TSPAN5: variants seen among roughly 807,000 people sequenced by gnomAD.
TSPAN5 encodes tetraspanin-5.
In TSPAN5, 10 loss-of-function variants were observed where a neutral mutation model predicts 37.1. The observed-to-expected ratio is 0.27, with a 90% CI of 0.17 to 0.46. The LOEUF is 0.46. Among genes scored for constraint, TSPAN5 ranks in the 20% least tolerant of loss-of-function variants. The probability of loss-of-function intolerance (pLI) is 1.00; values close to 1 mark genes in which losing one functional copy is unlikely to be tolerated. For synonymous variants in TSPAN5, 110 were observed against 118.9 expected, an observed-to-expected ratio of 0.93 and a Z score of 0.48; for missense variants, 195 against 326.6, an observed-to-expected ratio of 0.60 and a Z score of 3.11.
intron 2 of TSPAN5, among the ~76,000 whole-genome samples, chr4:98,500,772 G>C (rs979053122): frequency 1.3e-5 from 2 of 152,042 alleles, no homozygotes; most frequent in Non-Finnish European, 2.9e-5. Flanking sequence ...ACAGCTTCTG[G>C]GCATCCATTG....
intron 3 of TSPAN5, chr4:98,484,774 C>A: frequency 3.1e-6 from 1 of 322,186 alleles, no homozygotes; most frequent in Non-Finnish European, 6.1e-6. Flanking sequence ...CCAGCCTGGC[C>A]AACATGGTGA....
rs764758183 is a variant in TSPAN5, at chr4:98,533,920, C to G, written c.82-26192G>C. Among the ~76,000 whole-genome samples the G allele has an allele frequency of 1.0e-3, 76 of 74,148 alleles. 1 individual carries two copies. The highest frequency in any genetic ancestry group is 1.8e-3 in the Non-Finnish European group (75 of 41,770). The allele number at this position is 74,148 out of a possible 152,430, so 48.6% of individuals were successfully genotyped here. Reference sequence around the variant, plus strand: ...CTTCTTTATTAGTCTGGCTAGTGGTCTATCCATTTTGTTGATCTTAAAAAA... The same window carrying G: ...CTTCTTTATTAGTCTGGCTAGTGGTGTATCCATTTTGTTGATCTTAAAAAA... On this transcript the variant is annotated intron_variant, in intron 1 of 7. Coordinates refer to ENST00000305798, the MANE Select transcript of TSPAN5 (RefSeq NM_005723.4).
At chr4:98,545,667 C>T (rs997766245) in intron 1 of TSPAN5, among the ~76,000 whole-genome samples, 1 of 152,046 alleles carries the variant, frequency 6.6e-6, no homozygotes, top group African/African-American at 2.4e-5. Context: ...GTAGCTGTGA[C>T]TACTGGCGTG....
At chr4:98,478,405 A>C (rs1401443102) in intron 5 of TSPAN5, among the ~76,000 whole-genome samples, 1 of 152,254 alleles carries the variant, frequency 6.6e-6, no homozygotes, top group Non-Finnish European at 1.5e-5. Context: ...TTCCCCTGAA[A>C]AGGGAGGGTA....
intron 2 of TSPAN5, among the ~76,000 whole-genome samples, chr4:98,501,345 G>A (rs1753343722): frequency 6.6e-6 from 1 of 152,296 alleles, no homozygotes; most frequent in Admixed American, 6.5e-5. Flanking sequence ...CCATGACATA[G>A]CCAGTGTTTT....
chr4:98,631,935 C>T (rs552595839), intron 1 of TSPAN5, among the ~76,000 whole-genome samples: 40 of 152,268 alleles, frequency 2.6e-4, no homozygotes, highest in Admixed American at 2.0e-3. Context: ...CCCCTGGCAC[C>T]GTGCACACTA....
In TSPAN5 at chr4:98,658,148, A is replaced by C. The variant is rs1473058856; in HGVS notation, c.79T>G (p.Trp27Gly). ...ATCCCAGGAGCGCTCCAACTTACCC[A>C]AAATATGACATTGAAGCCAAATATG... Reference protein sequence around the residue: ...YFIFGFNVIFWFLGITFLGIG... With the variant: ...YFIFGFNVIFGFLGITFLGIG... The change falls in exon 1 of 8, where the codon TGG becomes GGG. Residue 27 changes from tryptophan to glycine, a missense_variant and splice_region_variant. Transcript: ENST00000305798. 6.2e-7 allele frequency: 1 copy of C among 1,613,426 alleles called. No homozygotes were observed. Among genetic ancestry groups the C allele is most frequent in the African/African-American group, 1.3e-5 (1 of 74,910 alleles).
intron 1 of TSPAN5, among the ~76,000 whole-genome samples, chr4:98,621,638 G>A (rs1391026766): frequency 6.6e-6 from 1 of 152,078 alleles, no homozygotes; most frequent in Non-Finnish European, 1.5e-5. Flanking sequence ...AAAGTGCTAG[G>A]ATAACAGGCG....
At chr4:98,500,518 G>C (rs567426014) in intron 2 of TSPAN5, among the ~76,000 whole-genome samples, 121 of 152,278 alleles carry the variant, frequency 7.9e-4, no homozygotes, top group African/African-American at 2.8e-3. Flanking sequence ...GAGTGCAATG[G>C]AGGATGACAG....
At chr4:98,542,573 G>T (rs919983911) in intron 1 of TSPAN5, among the ~76,000 whole-genome samples, 15 of 152,048 alleles carry the variant, frequency 9.9e-5, no homozygotes, top group Admixed American at 2.6e-4. Flanking sequence ...TTAAAAATTC[G>T]CCAGGCACAG....
intron 1 of TSPAN5, among the ~76,000 whole-genome samples, chr4:98,621,500 TG>T (rs975108987): frequency 7.9e-5 from 12 of 151,746 alleles, no homozygotes; most frequent in African/African-American, 2.7e-4. Flanking sequence ...CCCGAGTAGC[TG>T]GGACTACAGG....
At position 98,499,795 on chromosome 4, in the gene TSPAN5, G is replaced by A. The variant is rs555577037; in HGVS notation, c.132+7883C>T. ...CCTGCCTCAGCCTCCCAAGTAGCTG[G>A]GACTACAGGCGCCTGCCACCATGCC... On this transcript the variant is annotated intron_variant, in intron 2 of 7. Coordinates refer to ENST00000305798, the MANE Select transcript of TSPAN5 (RefSeq NM_005723.4). 4.1e-4 allele frequency among the ~76,000 whole-genome samples: 62 copies of A among 151,722 alleles called. 1 individual carries two copies. Among genetic ancestry groups the A allele is most frequent in the Admixed American group, 1.6e-3 (24 of 15,238 alleles).
At chr4:98,553,799 GCTCA>G (rs1754673767) in intron 1 of TSPAN5, among the ~76,000 whole-genome samples, 1 of 152,182 alleles carries the variant, frequency 6.6e-6, no homozygotes, top group Non-Finnish European at 1.5e-5. Flanking sequence ...GGGCACGGTG[GCTCA>G]CGCCTGTAAT....
Position 98,482,062 on chromosome 4 carries a change from G to C in TSPAN5, c.393C>G (p.Ile131Met). The C allele has an allele frequency of 1.9e-6, 3 of 1,614,138 alleles. No individual in the cohort carries two copies. The highest frequency in any genetic ancestry group is 2.5e-6 in the Non-Finnish European group (3 of 1,180,004). ...AATCAATGTCATCCCGATATGCTCT[G>C]ATGTTGTTGTTTATAAAGAAATACA... is the stretch of plus-strand genomic sequence containing the variant. ...DQLYFFINNN[I>M]RAYRDDIDLQ... The change falls in exon 4 of 8, where the codon ATC (isoleucine) becomes ATG (methionine). Residue 131 changes from isoleucine (I) to methionine (M), a missense_variant. By Grantham distance (10) the Ile-to-Met change is conservative. Transcript: ENST00000305798.
intron 1 of TSPAN5, among the ~76,000 whole-genome samples, chr4:98,544,936 T>C (rs891850728): frequency 6.6e-6 from 1 of 152,212 alleles, no homozygotes; most frequent in East Asian, 1.9e-4. Context: ...GATGGGCATC[T>C]GCTGAGATGC....
chr4:98,487,784 A>T (rs1479358565), intron 2 of TSPAN5, among the ~76,000 whole-genome samples: 1 of 152,196 alleles, frequency 6.6e-6, no homozygotes, highest in East Asian at 1.9e-4. Context: ...TTCCACAAGA[A>T]CACCAAACGG....
intron 1 of TSPAN5, among the ~76,000 whole-genome samples, chr4:98,643,089 C>T (rs952507526): frequency 6.6e-6 from 1 of 152,226 alleles, no homozygotes; most frequent in Admixed American, 6.5e-5. Context: ...TCACCCAGAG[C>T]AACTTCCAGT....
chr4:98,545,484 A>ATGAAC, intron 1 of TSPAN5, among the ~76,000 whole-genome samples: 1 of 151,998 alleles, frequency 6.6e-6, no homozygotes. Context: ...ATTTAACCAC[A>ATGAAC]CTGCTTACTG....
chr4:98,627,944 T>A (rs560160484), intron 1 of TSPAN5, among the ~76,000 whole-genome samples: 4 of 152,232 alleles, frequency 2.6e-5, no homozygotes, highest in Non-Finnish European at 5.9e-5. Context: ...AACTGGAAGT[T>A]ACAGGCAACA....
Sources: allele counts gnomAD v4.1 joint callset (sites outside exome capture counted in the v4.1 genomes callset), GRCh38; gene constraint gnomAD v4.1.1; transcripts MANE v1.5; gene names NCBI Gene and HGNC (gene_info 2026-07-23, HGNC 2026-07-21).